LHFPL6: variants seen among roughly 807,000 people sequenced by gnomAD.
LHFPL6 encodes the protein LHFPL tetraspan subfamily member 6, also known as LHFPL tetraspan subfamily member 6 protein.
Under a neutral mutation model 20.6 loss-of-function variants are expected in LHFPL6, and 9 were observed. That is an observed-to-expected ratio of 0.44 (90% confidence interval 0.26 to 0.76). The LOEUF is 0.76. LHFPL6 is among the 30% of genes least tolerant of loss of function. LHFPL6 has a pLI of 0.20. For missense variants in LHFPL6, 218 were observed against 253.5 expected (o/e 0.86, Z 0.95); for synonymous variants, 105 against 98.7 (o/e 1.06, Z -0.38).
At chr13:39,576,980 T>C (rs1255615189) in intron 2 of LHFPL6, among the ~76,000 whole-genome samples, 1 of 152,200 alleles carries the variant, frequency 6.6e-6, no homozygotes, top group Non-Finnish European at 1.5e-5. Context: ...ACCAACAGAA[T>C]GTGTTTATTC....
At chr13:39,484,738 G>T (rs1310048111) in intron 2 of LHFPL6, among the ~76,000 whole-genome samples, 1 of 152,192 alleles carries the variant, frequency 6.6e-6, no homozygotes, top group Non-Finnish European at 1.5e-5. Flanking sequence ...AAACCACTCT[G>T]AGAAATATCT....
rs149688785 is a variant in LHFPL6 at position 39,476,487 on chromosome 13, G to T, written c.386-97961C>A. ...ATAACATGTGCCAAAGAATTATTTGGTCCTTGGCATAAATTCTTTTAGTAA... is the reference window on the plus strand; with the variant it reads ...ATAACATGTGCCAAAGAATTATTTGTTCCTTGGCATAAATTCTTTTAGTAA... On this transcript the variant is annotated intron_variant, in intron 2 of 3. Coordinates refer to ENST00000379589, the MANE Select transcript of LHFPL6 (RefSeq NM_005780.3). Among the ~76,000 whole-genome samples the T allele has an allele frequency of 5.8e-3, 881 of 152,280 alleles. 3 individuals carry two copies. Among genetic ancestry groups the T allele is most frequent in the Middle Eastern group, 0.014 (4 of 294 alleles).
intron 2 of LHFPL6, among the ~76,000 whole-genome samples, chr13:39,442,527 G>A (rs1212139379): frequency 1.3e-5 from 2 of 152,172 alleles, no homozygotes; most frequent in Admixed American, 6.5e-5. Context: ...AAAGGGAAGG[G>A]AAGGCATGAA....
chr13:39,592,619 T>A (rs1181929614), intron 2 of LHFPL6, among the ~76,000 whole-genome samples: 1 of 152,218 alleles, frequency 6.6e-6, no homozygotes. Flanking sequence ...CTAACTCATT[T>A]TATGAGGCCA....
chr13:39,555,423 G>C (rs1281040815), intron 2 of LHFPL6, among the ~76,000 whole-genome samples: 4 of 150,476 alleles, frequency 2.7e-5, no homozygotes, highest in Admixed American at 2.0e-4. Context: ...ACATATTATA[G>C]CATTCAGATG....
At chr13:39,542,086 A>T (rs866478301) in intron 2 of LHFPL6, among the ~76,000 whole-genome samples, 1 of 131,080 alleles carries the variant, frequency 7.6e-6, no homozygotes, top group East Asian at 2.3e-4. Context: ...TAGAGACTCT[A>T]TCTCAAAAAT....
intron 3 of LHFPL6, among the ~76,000 whole-genome samples, chr13:39,346,635 C>G (rs1869407652): frequency 6.6e-6 from 1 of 152,152 alleles, no homozygotes; most frequent in South Asian, 2.1e-4. Flanking sequence ...CGATCATCCC[C>G]CAGGCAGTCT....
At chr13:39,449,833 CAA>C (rs34024514) in intron 2 of LHFPL6, among the ~76,000 whole-genome samples, 24,283 of 133,192 alleles carry the variant, frequency 0.18, 2,137 homozygotes, top group South Asian at 0.35. Context: ...CTGAAAGTAG[CAA>C]AAAAAAAAAA....
chr13:39,549,433 G>A (rs1438896311), intron 2 of LHFPL6, among the ~76,000 whole-genome samples: 1 of 152,008 alleles, frequency 6.6e-6, no homozygotes, highest in Non-Finnish European at 1.5e-5. Flanking sequence ...GTGAAATAAC[G>A]ATTTCCTAGA....
At chr13:39,482,962 CAAA>C in intron 2 of LHFPL6, among the ~76,000 whole-genome samples, 1 of 152,246 alleles carries the variant, frequency 6.6e-6, no homozygotes, top group Middle Eastern at 3.4e-3. Flanking sequence ...GAAGACATTG[CAAA>C]GGATGGATAA....
At chr13:39,363,881 G>A (rs1223327466) in intron 3 of LHFPL6, among the ~76,000 whole-genome samples, 2 of 152,128 alleles carry the variant, frequency 1.3e-5, no homozygotes, top group African/African-American at 4.8e-5. Context: ...CCAGGCCGTT[G>A]GGATATATAT....
At chr13:39,527,819 T>C (rs1870343225) in intron 2 of LHFPL6, among the ~76,000 whole-genome samples, 1 of 152,194 alleles carries the variant, frequency 6.6e-6, no homozygotes, top group African/African-American at 2.4e-5. Context: ...CACAGAAACT[T>C]TTCTGCATAT....
intron 2 of LHFPL6, among the ~76,000 whole-genome samples, chr13:39,550,173 CATATTG>C (rs1418805056): frequency 6.6e-6 from 1 of 152,068 alleles, no homozygotes; most frequent in Non-Finnish European, 1.5e-5. Context: ...AAAAAAGTTA[CATATTG>C]CATGATTCCA....
At chr13:39,533,939 G>A (rs375153161) in intron 2 of LHFPL6, among the ~76,000 whole-genome samples, 118 of 152,240 alleles carry the variant, frequency 7.8e-4, no homozygotes, top group African/African-American at 2.5e-3. Flanking sequence ...TTGTACATGT[G>A]ATTGGCTCAC....
rs558790767 is a variant in LHFPL6, at chr13:39,574,405, C to G, written c.385+26427G>C. 2.6e-4 allele frequency among the ~76,000 whole-genome samples: 39 copies of G among 151,698 alleles called. 1 individual carries two copies. The East Asian group carries it at 7.6e-3, about 30-fold the overall frequency. On this transcript the variant is annotated intron_variant, in intron 2 of 3. Coordinates refer to ENST00000379589, the MANE Select transcript of LHFPL6 (RefSeq NM_005780.3). ...GCTGAGGCAGCAGAATGGCGTGAAC[C>G]CCAAGAGGCGGAGCTTGCAGTGAGC...
chr13:39,416,683 T>A (rs1257043011), intron 2 of LHFPL6, among the ~76,000 whole-genome samples: 3 of 152,230 alleles, frequency 2.0e-5, no homozygotes, highest in Non-Finnish European at 4.4e-5. Context: ...TTTCTCTCTT[T>A]TACAGTTTGT....
At chr13:39,369,951 GT>G (rs1870124019) in intron 3 of LHFPL6, among the ~76,000 whole-genome samples, 1 of 152,104 alleles carries the variant, frequency 6.6e-6, no homozygotes, top group Non-Finnish European at 1.5e-5. Context: ...GACAAGAGGT[GT>G]TTACTAAGTT....
intron 3 of LHFPL6, among the ~76,000 whole-genome samples, chr13:39,361,639 T>C (rs1869872348): frequency 6.6e-6 from 1 of 152,170 alleles, no homozygotes; most frequent in African/African-American, 2.4e-5. Flanking sequence ...AGATTTTAAA[T>C]GTGCTTTTCA....
chr13:39,380,449 A>C (rs1279753040), intron 2 of LHFPL6, among the ~76,000 whole-genome samples: 1 of 149,332 alleles, frequency 6.7e-6, no homozygotes. Context: ...ATTTACAGCC[A>C]CTCCCCATTG....
Sources: gnomAD v4.1 joint callset for allele counts (sites outside exome capture counted in the v4.1 genomes callset) on GRCh38, gnomAD v4.1.1 for gene constraint, MANE v1.5 for transcripts, NCBI Gene and HGNC (gene_info 2026-07-23, HGNC 2026-07-21) for gene names.